The following MOCS1 variants were observed in gnomAD, a reference collection of about 807,000 sequenced individuals.
MOCS1 encodes the protein molybdenum cofactor biosynthesis protein 1.
A neutral mutation model predicts 57.6 loss-of-function variants in MOCS1; 39 were observed. The observed-to-expected ratio is 0.68, with a 90% CI of 0.52 to 0.88. The LOEUF (loss-of-function observed/expected upper bound fraction) is 0.88, where lower values mean the gene tolerates loss of function less well. Among genes scored for constraint, MOCS1 ranks in the 40% least tolerant of loss-of-function variants. The pLI is 0.00. For synonymous variants in MOCS1, 334 were observed against 335.7 expected (o/e 1.00, Z 0.05); for missense variants, 795 against 831.1 (o/e 0.96, Z 0.53).
intron 3 of MOCS1, among the ~76,000 whole-genome samples, chr6:39,916,701 A>G (rs971072517): frequency 1.3e-5 from 2 of 152,232 alleles, no homozygotes; most frequent in Non-Finnish European, 2.9e-5. Flanking sequence ...TGACAGCTCC[A>G]TTCTACCAAA....
chr6:39,910,602 T>C (rs958194058), intron 8 of MOCS1, among the ~76,000 whole-genome samples: 1 of 152,230 alleles, frequency 6.6e-6, no homozygotes, highest in Non-Finnish European at 1.5e-5. Context: ...GCATCTACTC[T>C]GTGCCAGCTC....
At chr6:39,927,617 C>T (rs1158567484) in intron 1 of MOCS1, 162 bp from the exon 2 acceptor site, 1 of 1,599,628 alleles carries the variant, frequency 6.3e-7, no homozygotes. Context: ...GGGATTGTCC[C>T]TCTCGTTGAG....
intron 1 of MOCS1, among the ~76,000 whole-genome samples, chr6:39,928,594 T>A (rs1299001601): frequency 6.6e-6 from 1 of 151,990 alleles, no homozygotes; most frequent in Non-Finnish European, 1.5e-5. Flanking sequence ...ACCCTGGAAG[T>A]CATGCATGAG....
At chr6:39,913,633 G>T in intron 5 of MOCS1, 141 bp downstream of exon 5, 1 of 1,069,352 alleles carries the variant, frequency 9.4e-7, no homozygotes. Flanking sequence ...GACCAGCAGG[G>T]AGAGAAGAGG....
At position 39,905,027 on chromosome 6, in the gene MOCS1, C is replaced by T; in HGVS notation, c.*1330G>A. On this transcript the variant is annotated 3_prime_UTR_variant, in exon 11 of 11. Transcript: ENST00000340692. Reference sequence around the variant, plus strand: ...ATACTGGTAGCTTGAAATTATTCAACATGGGAGTATTTATATCACAAATTG... The same window carrying T: ...ATACTGGTAGCTTGAAATTATTCAATATGGGAGTATTTATATCACAAATTG... 2.2e-6 allele frequency: 1 copy of T among 454,070 alleles called. No homozygotes were observed. The highest frequency in any genetic ancestry group is 1.6e-5 in the South Asian group (1 of 64,468). The allele number at this position is 454,070 out of a possible 1,614,324, so 28.1% of individuals were successfully genotyped here.
rs966118676 is a variant in MOCS1, at chr6:39,927,526, C to A, written c.124-71G>T. 1.2e-6 allele frequency: 2 copies of A among 1,611,114 alleles called. No individual in the cohort carries two copies. The highest frequency in any genetic ancestry group is 8.5e-7 in the Non-Finnish European group (1 of 1,178,964). The stretch of plus-strand genomic sequence containing the variant: ...CTGGGAAGAGGCACAAGGAGAACCG[C>A]CTGCCCCCTCCCTTACTCTGACATC... On this transcript the variant is annotated intron_variant, in intron 1 of 10. Transcript: ENST00000340692.
At chr6:39,912,181 C>T in intron 8 of MOCS1, 83 bp downstream of exon 8, 1 of 1,095,728 alleles carries the variant, frequency 9.1e-7, no homozygotes, top group Non-Finnish European at 1.4e-6. Flanking sequence ...TGCCAGCCTC[C>T]TCTCCAATCA....
intron 1 of MOCS1, among the ~76,000 whole-genome samples, chr6:39,928,580 C>T (rs1768472284): frequency 1.3e-5 from 2 of 151,938 alleles, no homozygotes; most frequent in African/African-American, 4.8e-5. Flanking sequence ...ACAAAAAAAT[C>T]ACGACCCTGG....
rs754387991 is a variant in MOCS1 at position 39,927,427 on chromosome 6, C to G, written c.152G>C (p.Arg51Pro). ...EEVSRRRQFLREHAAPFSAFL... is the reference protein window; with the variant it reads ...EEVSRRRQFLPEHAAPFSAFL... Reference sequence around the variant, plus strand: ...GGCGGAGAAGGGGGCCGCATGCTCCCGCAGGAACTGCCTCCGCCTGGACAC... The same window carrying G: ...GGCGGAGAAGGGGGCCGCATGCTCCGGCAGGAACTGCCTCCGCCTGGACAC... Residue 51 changes from arginine (R) to proline (P), a missense_variant, in exon 2 of 11, where the codon CGG (arginine) becomes CCG (proline). Around this residue, in one of 3 missense-constraint regions of MOCS1, gnomAD observed 416 missense variants for 392.4 expected, o/e 1.06. Transcript: ENST00000340692. The G allele has an allele frequency of 1.2e-6, 2 of 1,612,272 alleles. No homozygotes were observed. The highest frequency in any genetic ancestry group is 1.7e-6 in the Non-Finnish European group (2 of 1,179,650).
rs545400306 is a variant in MOCS1, at chr6:39,905,858, G to GACTT, written c.*495_*498dup. Reference sequence around the variant, plus strand: ...GACAGGGCAGGGCTGCGGCTTCACAGACTTAGGGAGGCAGAGCTGCCGGGG... The same window carrying GACTT: ...GACAGGGCAGGGCTGCGGCTTCACAGACTTACTTAGGGAGGCAGAGCTGCCGGGG... On this transcript the variant is annotated 3_prime_UTR_variant, in exon 11 of 11. Coordinates refer to ENST00000340692, the MANE Select transcript of MOCS1 (RefSeq NM_001358530.2). 2.5e-5 allele frequency: 12 copies of GACTT among 470,778 alleles called. No individual in the cohort carries two copies. Among genetic ancestry groups the GACTT allele is most frequent in the South Asian group, 7.7e-5 (5 of 64,554 alleles). 29.2% of individuals were successfully genotyped at this position (470,778 alleles called of 1,614,324 possible). A position where few individuals can be genotyped will look rare whatever the true frequency, so the allele number is the denominator to read the frequency against.
Position 39,913,444 on chromosome 6 carries a change from TG to T in MOCS1, c.646-17del. Reference sequence around the variant, plus strand: ...CACAGTTCACCTGGCCGGGGAACAATGGGACCATGAGGGCTGTGCCCCCTGC... The same window carrying T: ...CACAGTTCACCTGGCCGGGGAACAATGGACCATGAGGGCTGTGCCCCCTGC... On this transcript the variant is annotated splice_polypyrimidine_tract_variant and intron_variant, in intron 5 of 10. Transcript: ENST00000340692. 6.2e-7 allele frequency: 1 copy of T among 1,608,872 alleles called. No individual in the cohort carries two copies. Among genetic ancestry groups the T allele is most frequent in the Non-Finnish European group, 8.5e-7 (1 of 1,175,298 alleles).
chr6:39,921,569 T>C (rs986080874), intron 3 of MOCS1, among the ~76,000 whole-genome samples: 1 of 152,206 alleles, frequency 6.6e-6, no homozygotes, highest in African/African-American at 2.4e-5. Context: ...TCTATGCAAC[T>C]GGAGCCCACC....
chr6:39,930,729 G>A (rs181603887), intron 1 of MOCS1, among the ~76,000 whole-genome samples: 46 of 152,220 alleles, frequency 3.0e-4, no homozygotes, highest in African/African-American at 9.1e-4. Context: ...GAGAACCATC[G>A]GCCTAGTGAC....
intron 3 of MOCS1, among the ~76,000 whole-genome samples, chr6:39,917,304 T>C (rs1767714855): frequency 6.6e-6 from 1 of 152,152 alleles, no homozygotes; most frequent in Non-Finnish European, 1.5e-5. Flanking sequence ...AAGCCCCTTA[T>C]AAAAATCATC....
intron 3 of MOCS1, among the ~76,000 whole-genome samples, chr6:39,918,429 G>T (rs1767780927): frequency 6.6e-6 from 1 of 152,224 alleles, no homozygotes. Flanking sequence ...GAGAGAAGTT[G>T]TACATGAATT....
chr6:39,921,513 G>T (rs1303614766), intron 3 of MOCS1, among the ~76,000 whole-genome samples: 1 of 152,148 alleles, frequency 6.6e-6, no homozygotes, highest in Non-Finnish European at 1.5e-5. Flanking sequence ...TCAATGATGA[G>T]AATATCTCAT....
At chr6:39,930,611 T>C (rs982400643) in intron 1 of MOCS1, among the ~76,000 whole-genome samples, 1 of 152,126 alleles carries the variant, frequency 6.6e-6, no homozygotes, top group Non-Finnish European at 1.5e-5. Context: ...TGGCAGCCCA[T>C]CAAAATCACT....
chr6:39,907,923 T>C (rs2149397684), intron 10 of MOCS1, among the ~76,000 whole-genome samples: 1 of 152,330 alleles, frequency 6.6e-6, no homozygotes, highest in East Asian at 1.9e-4. Flanking sequence ...ACTCAATATC[T>C]CTGAAAGTAT....
chr6:39,927,275 G>A (rs759073577), intron 2 of MOCS1, 54 bp downstream of exon 2: 3 of 1,597,894 alleles, frequency 1.9e-6, no homozygotes, highest in African/African-American at 1.3e-5. Flanking sequence ...AAATTTCAAG[G>A]GCTGCTTCAG....
Sources: allele counts gnomAD v4.1 joint callset (sites outside exome capture counted in the v4.1 genomes callset), GRCh38; gene constraint gnomAD v4.1.1; regional missense constraint gnomAD v4.1.1; transcripts MANE v1.5; gene names NCBI Gene and HGNC (gene_info 2026-07-23, HGNC 2026-07-21).